LMBRD1: variants seen among roughly 807,000 people sequenced by gnomAD.
LMBRD1 encodes LMBR1 domain containing 1.
In LMBRD1, 64 loss-of-function variants were observed where a neutral mutation model predicts 74.8. The observed-to-expected ratio is 0.86, with a 90% CI of 0.70 to 1.05. The LOEUF is 1.05. Among genes scored for constraint, LMBRD1 ranks in the 50% least tolerant of loss-of-function variants. The pLI is 0.00. For synonymous variants in LMBRD1, 204 were observed against 216.3 expected, an observed-to-expected ratio of 0.94 and a Z score of 0.50; for missense variants, 652 against 645.9, an observed-to-expected ratio of 1.01 and a Z score of -0.10.
chr6:69,676,278 AT>A lies in LMBRD1; in HGVS notation c.1510-8del. ...TTAATCCAATCAAAAATACCTGTAA[AT>A]TTAAATAAGCCATGTGTTATTTTTC... On this transcript the variant is annotated splice_polypyrimidine_tract_variant and splice_region_variant and intron_variant, in intron 15 of 15. Transcript: ENST00000649934. 1 of 1,611,758 alleles carries A rather than the reference AT, an allele frequency of 6.2e-7. No individual in the cohort carries two copies. The highest frequency in any genetic ancestry group is 8.5e-7 in the Non-Finnish European group (1 of 1,178,618).
intron 2 of LMBRD1, among the ~76,000 whole-genome samples, chr6:69,780,940 A>C (rs2445975): frequency 0.88 from 134,269 of 152,112 alleles, 59,620 homozygotes; most frequent in East Asian, 1. Flanking sequence ...AATATAGATT[A>C]AATTGAGCTT....
intron 10 of LMBRD1, 84 bp downstream of exon 10, chr6:69,701,805 C>CGTGT (rs1466463204): frequency 1.0e-6 from 1 of 957,716 alleles, no homozygotes; most frequent in African/African-American, 1.6e-5. Flanking sequence ...GATGAACAGC[C>CGTGT]TACACTAATG....
Position 69,675,576 on chromosome 6 carries a change from G to T in LMBRD1, c.*582C>A, listed in dbSNP as rs2149831926. On this transcript the variant is annotated 3_prime_UTR_variant, in exon 16 of 16. Coordinates refer to ENST00000649934, the MANE Select transcript of LMBRD1 (RefSeq NM_018368.4). ...TGTAGAGGTTGTAAGTTATCTAATGGACTGATATTTGAACAATATAACACA... is the reference window on the plus strand; with the variant it reads ...TGTAGAGGTTGTAAGTTATCTAATGTACTGATATTTGAACAATATAACACA... Among the ~76,000 whole-genome samples, 1 of 152,230 alleles carries T rather than the reference G, an allele frequency of 6.6e-6. No homozygotes were observed. Among genetic ancestry groups the T allele is most frequent in the South Asian group, 2.1e-4 (1 of 4,826 alleles).
At chr6:69,679,283 T>G (rs1385463188) in intron 14 of LMBRD1, among the ~76,000 whole-genome samples, 1 of 152,122 alleles carries the variant, frequency 6.6e-6, no homozygotes. Context: ...CTGTCTCCTA[T>G]AGTTACCATA....
chr6:69,691,498 A>G (rs1000509406), intron 14 of LMBRD1, among the ~76,000 whole-genome samples: 1 of 152,172 alleles, frequency 6.6e-6, no homozygotes, highest in Non-Finnish European at 1.5e-5. Context: ...TTTAACTTAC[A>G]TAATATTTTA....
At chr6:69,768,304 A>G (rs930215779) in intron 3 of LMBRD1, among the ~76,000 whole-genome samples, 2 of 151,830 alleles carry the variant, frequency 1.3e-5, no homozygotes, top group African/African-American at 4.8e-5. Flanking sequence ...CTACATTACC[A>G]ATTCCTGACT....
intron 14 of LMBRD1, among the ~76,000 whole-genome samples, chr6:69,693,448 GAC>G (rs1765931335): frequency 6.6e-6 from 1 of 151,854 alleles, no homozygotes; most frequent in African/African-American, 2.4e-5. Context: ...ATATTGATAA[GAC>G]AGCAACATAT....
At position 69,674,281 on chromosome 6, in the gene LMBRD1, A is replaced by T. The variant is rs900032664; in HGVS notation, c.*1877T>A. Among the ~76,000 whole-genome samples, 1 of 152,226 alleles carries T rather than the reference A, an allele frequency of 6.6e-6. No homozygotes were observed. Among genetic ancestry groups the T allele is most frequent in the South Asian group, 2.1e-4 (1 of 4,834 alleles). On this transcript the variant is annotated 3_prime_UTR_variant, in exon 16 of 16. Coordinates refer to ENST00000649934, the MANE Select transcript of LMBRD1 (RefSeq NM_018368.4). ...CTTTTAAAAGGCCCTATCTCCACAT[A>T]AAGTATTATTCTATGAAGTACCAGG...
chr6:69,782,419 GTGTT>G (rs1383943555), intron 2 of LMBRD1, among the ~76,000 whole-genome samples: 2 of 152,126 alleles, frequency 1.3e-5, no homozygotes, highest in Non-Finnish European at 2.9e-5. Flanking sequence ...CAAGTCCAAG[GTGTT>G]TATTCTACCT....
chr6:69,750,266 T>C (rs911496121), intron 4 of LMBRD1, among the ~76,000 whole-genome samples: 7 of 151,564 alleles, frequency 4.6e-5, no homozygotes, highest in Non-Finnish European at 1.0e-4. Context: ...AGATAGGTTG[T>C]TCTCATCTTT....
chr6:69,735,881 T>A (rs1766966278), intron 7 of LMBRD1, among the ~76,000 whole-genome samples: 1 of 152,208 alleles, frequency 6.6e-6, no homozygotes, highest in South Asian at 2.1e-4. Flanking sequence ...AAACTTTTAC[T>A]ACTCCCCCTT....
At chr6:69,727,666 A>G (rs1317021314) in intron 7 of LMBRD1, among the ~76,000 whole-genome samples, 2 of 152,198 alleles carry the variant, frequency 1.3e-5, no homozygotes, top group African/African-American at 4.8e-5. Flanking sequence ...CATGTCAGAA[A>G]ACTGCACTTG....
At chr6:69,783,598 C>T (rs578173834) in intron 2 of LMBRD1, among the ~76,000 whole-genome samples, 2 of 152,134 alleles carry the variant, frequency 1.3e-5, no homozygotes, top group South Asian at 4.1e-4. Flanking sequence ...TGGTCTTGAA[C>T]TCCTGGACTC....
intron 7 of LMBRD1, 50 bp from the exon 8 acceptor site, chr6:69,719,131 T>C (rs1397602378): frequency 1.3e-6 from 2 of 1,557,636 alleles, no homozygotes; most frequent in African/African-American, 1.4e-5. Flanking sequence ...TCAAACATAT[T>C]ATACACAATT....
chr6:69,757,291 A>C (rs1765287013), intron 3 of LMBRD1, among the ~76,000 whole-genome samples: 1 of 152,246 alleles, frequency 6.6e-6, no homozygotes, highest in African/African-American at 2.4e-5. Flanking sequence ...GCAGCTATTG[A>C]CTTAAAAGAT....
chr6:69,764,126 G>C (rs2149884190), intron 3 of LMBRD1, among the ~76,000 whole-genome samples: 1 of 152,322 alleles, frequency 6.6e-6, no homozygotes, highest in South Asian at 2.1e-4. Flanking sequence ...ATTCTGGGCT[G>C]CCAGGAGTGG....
chr6:69,734,837 C>T (rs1279890277), intron 7 of LMBRD1, among the ~76,000 whole-genome samples: 2 of 152,146 alleles, frequency 1.3e-5, no homozygotes, highest in African/African-American at 4.8e-5. Flanking sequence ...TAAATGTAAG[C>T]TCTACATACA....
chr6:69,783,129 T>TA (rs1765873698), intron 2 of LMBRD1, among the ~76,000 whole-genome samples: 2 of 152,034 alleles, frequency 1.3e-5, no homozygotes, highest in African/African-American at 2.4e-5. Flanking sequence ...AATCTTTGTC[T>TA]AAAAAATGTA....
intron 9 of LMBRD1, among the ~76,000 whole-genome samples, chr6:69,702,999 G>A (rs566126429): frequency 6.6e-6 from 1 of 152,060 alleles, no homozygotes; most frequent in Non-Finnish European, 1.5e-5. Flanking sequence ...GAATTCTTCA[G>A]TTATGGCTGG....
Sources: gnomAD v4.1 joint callset for allele counts (sites outside exome capture counted in the v4.1 genomes callset) on GRCh38, gnomAD v4.1.1 for gene constraint, MANE v1.5 for transcripts, NCBI Gene and HGNC (gene_info 2026-07-23, HGNC 2026-07-21) for gene names.